Variants in DDX41 observed in about 807,000 individuals in gnomAD.
DDX41 encodes the protein probable ATP-dependent RNA helicase DDX41.
DDX41 carries 50 observed loss-of-function variants against 78.8 expected under a neutral mutation model. The ratio of observed to expected loss-of-function variants is 0.63; its 90% CI spans 0.51 to 0.80. The LOEUF is 0.80. Ranked by LOEUF, DDX41 falls within the 30% of genes least tolerant of loss-of-function variation. DDX41 has a pLI of 0.00. For missense variants in DDX41, 633 were observed against 849.2 expected (o/e 0.75, Z 3.16); for synonymous variants, 381 against 321.5 (o/e 1.19, Z -1.98).
Position 177,514,559 on chromosome 5 carries a change from C to T in DDX41, c.935+142G>A, listed in dbSNP as rs1031201778. The T allele has an allele frequency of 8.2e-7, 1 of 1,214,544 alleles. No individual in the cohort carries two copies. The allele number at this position is 1,214,544 out of a possible 1,614,324, so 75.2% of individuals were successfully genotyped here. On this transcript the variant is annotated intron_variant, in intron 9 of 16. Transcript: ENST00000330503. The surrounding 1 kb of genome is among the most constrained non-coding windows in gnomAD (Gnocchi z 4.2). ...TCTGTCCTCCCCCAACTAACCTCCC[C>T]ATTAGACTGGGAGCTCCTTGAGGGT... is the stretch of plus-strand genomic sequence containing the variant.
Position 177,512,600 on chromosome 5 carries a change from T to C in DDX41, c.1445A>G (p.Lys482Arg), listed in dbSNP as rs1394709760. The C allele has an allele frequency of 1.9e-6, 3 of 1,614,166 alleles. No individual in the cohort carries two copies. Among genetic ancestry groups the C allele is most frequent in the South Asian group, 2.2e-5 (2 of 91,086 alleles). ...GTCTGTGGCTACTAGGACATCCTTC[T>C]TGCCCTCCCGGAATGCCTCGATGGC... ...TKAIEAFREG[K>R]KDVLVATDVA... is the part of the protein sequence containing the mutation. Residue 482 changes from lysine to arginine, a missense_variant, in exon 14 of 17, where the codon AAG becomes AGG. This residue lies in a region of DDX41 where 185 missense variants were observed against 367.4 expected (regional missense o/e 0.50). Transcript: ENST00000330503.
chr5:177,514,953 T>C lies in DDX41; in HGVS notation c.761A>G (p.Lys254Arg), dbSNP rs768526031. 7 of 1,612,532 alleles carry C rather than the reference T, an allele frequency of 4.3e-6. No individual in the cohort carries two copies. In the South Asian group the frequency reaches 7.7e-5, roughly 18 times the overall value. ...LEQEKRLPFS[K>R]REGPYGLIIC... ...GATGAGTCCATAGGGCCCCTCGCGCTTTGAGAAGGGTAACCTCTTCTCTTG... is the reference window on the plus strand; with the variant it reads ...GATGAGTCCATAGGGCCCCTCGCGCCTTGAGAAGGGTAACCTCTTCTCTTG... The change falls in exon 8 of 17, where the codon AAG becomes AGG. Residue 254 changes from lysine (K) to arginine (R), a missense_variant. Physicochemically the swap from Lys to Arg is conservative, Grantham distance 26. Transcript: ENST00000330503. This position sits in a 1 kb window ranked among gnomAD's most constrained non-coding sequence, Gnocchi z 4.2.
Position 177,516,732 on chromosome 5 carries a change from T to C in DDX41, c.131A>G (p.Gln44Arg). 1 of 1,600,692 alleles carries C rather than the reference T, an allele frequency of 6.2e-7. No individual in the cohort carries two copies. Among genetic ancestry groups the C allele is most frequent in the Non-Finnish European group, 8.5e-7 (1 of 1,174,360 alleles). Residue 44 changes from glutamine to arginine, a missense_variant, in exon 2 of 17, where the codon CAG becomes CGG. This residue lies in a region of DDX41 where 140 missense variants were observed against 115.2 expected (regional missense o/e 1.22). Transcript: ENST00000330503. ...VPYVPLRQRRQLLLQKLLQRR... is the reference protein window; with the variant it reads ...VPYVPLRQRRRLLLQKLLQRR... ...CGGACGCGTGCCCCTCACCAGTAGC[T>C]GCCGGCGCTGCCGTAACGGCACATA... is the stretch of plus-strand genomic sequence containing the variant.
In DDX41 at chr5:177,515,268, C is replaced by T. The variant is rs2127437316; in HGVS notation, c.572-10G>A. 1 of 1,613,902 alleles carries T rather than the reference C, an allele frequency of 6.2e-7. No individual in the cohort carries two copies. Among genetic ancestry groups the T allele is most frequent in the Non-Finnish European group, 8.5e-7 (1 of 1,180,002 alleles). On this transcript the variant is annotated splice_polypyrimidine_tract_variant and intron_variant, in intron 6 of 16. Coordinates refer to ENST00000330503, the MANE Select transcript of DDX41 (RefSeq NM_016222.4). ...AGGCCTCTCAGGATGGCTATGAAAA[C>T]CAACCGACATCGTCTTCATGACTCA...
Position 177,516,198 on chromosome 5 carries a change from G to C in DDX41, c.299-5C>G, listed in dbSNP as rs780186913. The stretch of plus-strand genomic sequence containing the variant: ...CCTTGGCAGACTCTTTGCGCGCTGA[G>C]AAAAGAAGTGGAAGATGTCAGACAG... On this transcript the variant is annotated splice_region_variant and splice_polypyrimidine_tract_variant and intron_variant, in intron 3 of 16. Coordinates refer to ENST00000330503, the MANE Select transcript of DDX41 (RefSeq NM_016222.4). 1.2e-6 allele frequency: 2 copies of C among 1,614,000 alleles called. No individual in the cohort carries two copies. The highest frequency in any genetic ancestry group is 2.7e-5 in the African/African-American group (2 of 74,936).
In DDX41 at chr5:177,514,303, G is replaced by A. The variant is rs775701408; in HGVS notation, c.935+398C>T. ...ACTGCACAGCACTGAAAGGACACAG[G>A]TGCCGCTGGGATCCAGCCCTACCCC... On this transcript the variant is annotated intron_variant, in intron 9 of 16. Coordinates refer to ENST00000330503, the MANE Select transcript of DDX41 (RefSeq NM_016222.4). The surrounding 1 kb of genome is among the most constrained non-coding windows in gnomAD (Gnocchi z 4.2). The A allele has an allele frequency of 1.2e-5, 6 of 483,734 alleles. No individual in the cohort carries two copies. The highest frequency in any genetic ancestry group is 3.2e-4 in the Middle Eastern group (1 of 3,174). 30.0% of individuals were successfully genotyped at this position (483,734 alleles called of 1,614,324 possible). A position where few individuals can be genotyped will look rare whatever the true frequency, so the allele number is the denominator to read the frequency against.
At chr5:177,515,863 C>T in intron 5 of DDX41, 42 bp from the exon 6 acceptor site, 3 of 1,614,142 alleles carry the variant, frequency 1.9e-6, no homozygotes, top group South Asian at 2.2e-5. Flanking sequence ...CTGGGAATAG[C>T]TGGCCTGGGA....
In DDX41 at chr5:177,513,968, T is replaced by C. The variant is rs894875605; in HGVS notation, c.936-121A>G. The C allele has an allele frequency of 5.0e-6, 5 of 1,002,378 alleles. No homozygotes were observed. The highest frequency in any genetic ancestry group is 7.5e-6 in the Non-Finnish European group (5 of 664,636). The allele number at this position is 1,002,378 out of a possible 1,614,324, so 62.1% of individuals were successfully genotyped here. On this transcript the variant is annotated intron_variant, in intron 9 of 16. Coordinates refer to ENST00000330503, the MANE Select transcript of DDX41 (RefSeq NM_016222.4). The surrounding 1 kb of genome is among the most constrained non-coding windows in gnomAD (Gnocchi z 4.6). ...CCTTCCTATTTCTTTGTCTGTCCCC[T>C]TCTCATCATTCCCACCACCTGCCCT...
rs749201065 is a variant in DDX41 at position 177,516,397 on chromosome 5, C to G, written c.189G>C (p.Gln63His). The change falls in exon 3 of 17, where the codon CAG becomes CAC. Residue 63 changes from glutamine to histidine, a missense_variant. Physicochemically the swap from Gln to His is conservative, Grantham distance 24. Around this residue, in one of 6 missense-constraint regions of DDX41, gnomAD observed 140 missense variants for 115.2 expected, o/e 1.22. Transcript: ENST00000330503. ...CCCGGGGTTCACTACCGCTGTCCTG[C>G]TGCTCTTCCTCCGCAGCTCCCTTGC... The part of the protein sequence containing the change: ...RRRKGAAEEE[Q>H]QDSGSEPRGD... 32 of 1,613,960 alleles carry G rather than the reference C, an allele frequency of 2.0e-5. No homozygotes were observed. In the Admixed American group the frequency reaches 5.3e-4, roughly 27 times the overall value.
At position 177,514,979 on chromosome 5, in the gene DDX41, T is replaced by C; in HGVS notation, c.735A>G (p.Glu245=). 1 of 1,613,770 alleles carries C rather than the reference T, an allele frequency of 6.2e-7. No homozygotes were observed. Among genetic ancestry groups the C allele is most frequent in the Non-Finnish European group, 8.5e-7 (1 of 1,179,846 alleles). Residue 245 remains glutamate, a synonymous_variant, in exon 8 of 17, where the codon GAA becomes GAG. Transcript: ENST00000330503. This position sits in a 1 kb window ranked among gnomAD's most constrained non-coding sequence, Gnocchi z 4.2. ...FTLPVIMFCL[E]QEKRLPFSKR... ...TTGAGAAGGGTAACCTCTTCTCTTG[T>C]TCCAGGCAGAACATGATGACGGGCA...
Position 177,515,926 on chromosome 5 carries a change from T to C in DDX41, c.434+3A>G, listed in dbSNP as rs1243762429. 2 of 1,614,048 alleles carry C rather than the reference T, an allele frequency of 1.2e-6. No homozygotes were observed. The highest frequency in any genetic ancestry group is 2.7e-5 in the African/African-American group (2 of 74,910). ...AGGGCAACTGCAGACTGTACAGACA[T>C]ACCTGGTTTTGATGGGGTCATCATA... On this transcript the variant is annotated splice_donor_region_variant and intron_variant, in intron 5 of 16. Transcript: ENST00000330503.
chr5:177,512,761 G>T lies in DDX41; in HGVS notation c.1399+19C>A. The T allele has an allele frequency of 6.2e-7, 1 of 1,613,596 alleles. No homozygotes were observed. The highest frequency in any genetic ancestry group is 8.5e-7 in the Non-Finnish European group (1 of 1,179,598). On this transcript the variant is annotated intron_variant, in intron 13 of 16. Transcript: ENST00000330503. ...TGCTACTGCAGCAGGGTCCAAGCCAGTGCTTGCACCACCCTGACCTTTGCC... is the reference window on the plus strand; with the variant it reads ...TGCTACTGCAGCAGGGTCCAAGCCATTGCTTGCACCACCCTGACCTTTGCC...
At position 177,512,340 on chromosome 5, in the gene DDX41, A is replaced by C; in HGVS notation, c.1603T>G (p.Phe535Val). ...RSGNTGIATT[F>V]INKACDESVL... ...GACTCACCACACGCTTTGTTGATGAAGGTAGTGGCGATGCCTGTGTTTCCC... is the reference window on the plus strand; with the variant it reads ...GACTCACCACACGCTTTGTTGATGACGGTAGTGGCGATGCCTGTGTTTCCC... Residue 535 changes from phenylalanine (F) to valine (V), a missense_variant, in exon 15 of 17, where the codon TTC becomes GTC. By Grantham distance (50) the Phe-to-Val change is conservative. Transcript: ENST00000330503. 1 of 1,613,954 alleles carries C rather than the reference A, an allele frequency of 6.2e-7. No homozygotes were observed. Among genetic ancestry groups the C allele is most frequent in the Non-Finnish European group, 8.5e-7 (1 of 1,179,950 alleles).
Position 177,513,995 on chromosome 5 carries a change from T to C in DDX41, c.936-148A>G, listed in dbSNP as rs1761105855. On this transcript the variant is annotated intron_variant, in intron 9 of 16. Coordinates refer to ENST00000330503, the MANE Select transcript of DDX41 (RefSeq NM_016222.4). The surrounding 1 kb of genome is among the most constrained non-coding windows in gnomAD (Gnocchi z 4.6). ...CTCATCATTCCCACCACCTGCCCTA[T>C]GTATAGCACACAGCTCTTTCCCAAG... is the stretch of plus-strand genomic sequence containing the variant. 7.2e-6 allele frequency: 6 copies of C among 836,180 alleles called. No homozygotes were observed. Among genetic ancestry groups the C allele is most frequent in the South Asian group, 1.6e-5 (1 of 63,552 alleles). 51.8% of individuals were successfully genotyped at this position (836,180 alleles called of 1,614,324 possible). A position where few individuals can be genotyped will look rare whatever the true frequency, so the allele number is the denominator to read the frequency against.
chr5:177,513,482 G>T lies in DDX41; in HGVS notation c.1101C>A (p.Gly367=). The T allele has an allele frequency of 6.2e-7, 1 of 1,614,132 alleles. No individual in the cohort carries two copies. Among genetic ancestry groups the T allele is most frequent in the Non-Finnish European group, 8.5e-7 (1 of 1,180,034 alleles). The change falls in exon 11 of 17, where the codon GGC becomes GGA. Residue 367 remains glycine (G), a splice_region_variant and synonymous_variant. Coordinates refer to ENST00000330503, the MANE Select transcript of DDX41 (RefSeq NM_016222.4). The surrounding 1 kb of genome is among the most constrained non-coding windows in gnomAD (Gnocchi z 4.6). ...CACTGAAGAGCAGGGTCTGTCGCTG[G>T]CCCTGAGGAAGAGGGGGGCTGCGAC... ...DIRTIFSYFK[G]QRQTLLFSAT... is the part of the protein sequence containing the mutation.
rs752095774 is a variant in DDX41, at chr5:177,513,514, C to T, written c.1099-30G>A. 2.5e-6 allele frequency: 4 copies of T among 1,613,974 alleles called. No individual in the cohort carries two copies. The South Asian group carries it at 3.3e-5, about 13-fold the overall frequency. The stretch of plus-strand genomic sequence containing the variant: ...GGAAGAGGGGGGCTGCGACCAAGGG[C>T]ACACAGGGCTGGGCTGAGGGGCATG... On this transcript the variant is annotated intron_variant, in intron 10 of 16. Transcript: ENST00000330503. This position sits in a 1 kb window ranked among gnomAD's most constrained non-coding sequence, Gnocchi z 4.6.
chr5:177,512,272 C>A, intron 15 of DDX41, 50 bp downstream of exon 15: 1 of 1,613,920 alleles, frequency 6.2e-7, no homozygotes, highest in Non-Finnish European at 8.5e-7. Context: ...TGGGTGGCCA[C>A]AGGCAGGGGA....
At chr5:177,516,095 T>A (rs775347708) in intron 4 of DDX41, 24 bp downstream of exon 4, 1 of 1,614,014 alleles carries the variant, frequency 6.2e-7, no homozygotes, top group Non-Finnish European at 8.5e-7. Context: ...GTCCACCTTC[T>A]CACTATCCTG....
rs765066688 is a variant in DDX41 at position 177,513,089 on chromosome 5, C to T, written c.1231-7G>A. 2 of 1,612,752 alleles carry T rather than the reference C, an allele frequency of 1.2e-6. No individual in the cohort carries two copies. Among genetic ancestry groups the T allele is most frequent in the Non-Finnish European group, 1.7e-6 (2 of 1,179,170 alleles). On this transcript the variant is annotated splice_region_variant and splice_polypyrimidine_tract_variant and intron_variant, in intron 11 of 16. Coordinates refer to ENST00000330503, the MANE Select transcript of DDX41 (RefSeq NM_016222.4). This position sits in a 1 kb window ranked among gnomAD's most constrained non-coding sequence, Gnocchi z 4.6. ...CCTTCACATATTCTACCTCCTGCCA[C>T]CACAAAGATCAGGTCAGGTGATCTT...
Sources: allele counts gnomAD v4.1 joint callset, GRCh38; gene constraint gnomAD v4.1.1; regional missense constraint gnomAD v4.1.1; non-coding constraint Gnocchi (gnomAD v3.1); transcripts MANE v1.5; gene names NCBI Gene and HGNC (gene_info 2026-07-23, HGNC 2026-07-21).